Variants in PTPRD observed in about 807,000 individuals in gnomAD.
PTPRD encodes the protein protein tyrosine phosphatase receptor type D, also known as receptor-type tyrosine-protein phosphatase delta.
In PTPRD, 34 loss-of-function variants were observed where a neutral mutation model predicts 214.5. The ratio of observed to expected loss-of-function variants is 0.16; its 90% CI spans 0.12 to 0.21. The LOEUF is 0.21. Among genes scored for constraint, PTPRD ranks in the 10% least tolerant of loss-of-function variants. The pLI, the probability that PTPRD is intolerant of heterozygous loss-of-function variation, is 1.00. For missense variants in PTPRD, 2,545 were observed against 2,398.7 expected, an observed-to-expected ratio of 1.06 and a Z score of -1.27; for synonymous variants, 1,128 against 845.7, an observed-to-expected ratio of 1.33 and a Z score of -5.79.
At chr9:10,186,493 C>T (rs971222931) in intron 3 of PTPRD, among the ~76,000 whole-genome samples, 1 of 152,056 alleles carries the variant, frequency 6.6e-6, no homozygotes, top group East Asian at 1.9e-4. Flanking sequence ...AAGCATGAGG[C>T]TATTATAACA....
At chr9:9,480,744 G>A (rs1459669970) in intron 8 of PTPRD, among the ~76,000 whole-genome samples, 1 of 151,962 alleles carries the variant, frequency 6.6e-6, no homozygotes, top group Non-Finnish European at 1.5e-5. Flanking sequence ...GGATGCAATA[G>A]TCTTGATAAA....
chr9:8,340,236 C>A (rs1001283086), intron 42 of PTPRD, 107 bp downstream of exon 42: 2 of 1,332,654 alleles, frequency 1.5e-6, no homozygotes, highest in Non-Finnish European at 1.0e-6. Context: ...CCAGAGTGCA[C>A]TGCATTTCAA....
At chr9:8,372,689 C>T (rs1167490378) in intron 39 of PTPRD, among the ~76,000 whole-genome samples, 2 of 152,022 alleles carry the variant, frequency 1.3e-5, no homozygotes, top group African/African-American at 2.4e-5. Context: ...CTCTGTCCTC[C>T]TTGACCTTCC....
At chr9:10,081,781 G>A (rs2098242374) in intron 3 of PTPRD, among the ~76,000 whole-genome samples, 2 of 151,964 alleles carry the variant, frequency 1.3e-5, no homozygotes, top group Non-Finnish European at 2.9e-5. Context: ...GCAAATAGAT[G>A]GAGTTTCTAA....
At chr9:9,067,106 G>C (rs2099735848) in intron 10 of PTPRD, among the ~76,000 whole-genome samples, 1 of 152,106 alleles carries the variant, frequency 6.6e-6, no homozygotes. Flanking sequence ...TAGCCCTCGT[G>C]GTGGCACATG....
chr9:8,803,381 T>C (rs142451446), intron 11 of PTPRD, among the ~76,000 whole-genome samples: 2 of 152,146 alleles, frequency 1.3e-5, no homozygotes, highest in African/African-American at 4.8e-5. Flanking sequence ...GTGAAATTAG[T>C]TTTGCCGATG....
At chr9:9,471,389 C>T (rs553698140) in intron 8 of PTPRD, among the ~76,000 whole-genome samples, 5 of 152,198 alleles carry the variant, frequency 3.3e-5, no homozygotes, top group Non-Finnish European at 7.4e-5. Context: ...ACAAAGCGAT[C>T]ATATTTCATT....
intron 31 of PTPRD, among the ~76,000 whole-genome samples, chr9:8,468,579 G>C (rs1181806750): frequency 6.6e-6 from 1 of 151,886 alleles, no homozygotes; most frequent in South Asian, 2.1e-4. Context: ...TGTTTGGAAA[G>C]CCTCTTTCAA....
intron 10 of PTPRD, among the ~76,000 whole-genome samples, chr9:9,060,869 A>T (rs1228596173): frequency 6.6e-6 from 1 of 152,182 alleles, no homozygotes; most frequent in Non-Finnish European, 1.5e-5. Context: ...GACAAAACAA[A>T]TTTTTCAGAA....
At chr9:10,119,204 T>C (rs1268003838) in intron 3 of PTPRD, among the ~76,000 whole-genome samples, 3 of 151,922 alleles carry the variant, frequency 2.0e-5, no homozygotes, top group Admixed American at 6.6e-5. Context: ...TAACCCCCCC[T>C]TTTTTAACTA....
chr9:10,361,065 G>A (rs1223572034), intron 2 of PTPRD, among the ~76,000 whole-genome samples: 1 of 152,140 alleles, frequency 6.6e-6, no homozygotes, highest in Non-Finnish European at 1.5e-5. Flanking sequence ...TGGAGCCACT[G>A]CACTCCAGCC....
intron 3 of PTPRD, among the ~76,000 whole-genome samples, chr9:10,321,209 G>GA (rs1002940604): frequency 7.9e-5 from 12 of 151,346 alleles, no homozygotes; most frequent in Admixed American, 1.3e-4. Context: ...CTCCAAAGGG[G>GA]AAAAAAAACA....
At chr9:9,614,616 G>T (rs371894193) in intron 7 of PTPRD, among the ~76,000 whole-genome samples, 2 of 152,152 alleles carry the variant, frequency 1.3e-5, no homozygotes. Flanking sequence ...TCAATAGACC[G>T]TAGCATCTCT....
chr9:10,554,803 G>A (rs2131273339), intron 2 of PTPRD, among the ~76,000 whole-genome samples: 1 of 152,198 alleles, frequency 6.6e-6, no homozygotes, highest in Middle Eastern at 3.4e-3. Context: ...TGGGACTACA[G>A]GCGCCCGCCA....
At chr9:9,616,659 A>C (rs1011440928) in intron 7 of PTPRD, among the ~76,000 whole-genome samples, 1 of 152,148 alleles carries the variant, frequency 6.6e-6, no homozygotes, top group African/African-American at 2.4e-5. Flanking sequence ...CTATATGAAA[A>C]AGTTCATGAT....
intron 7 of PTPRD, among the ~76,000 whole-genome samples, chr9:9,592,543 G>A (rs1189912214): frequency 6.6e-6 from 1 of 151,918 alleles, no homozygotes; most frequent in Non-Finnish European, 1.5e-5. Flanking sequence ...ATTTGGGAGA[G>A]GATTTGAGCA....
At chr9:9,318,178 G>T (rs1195113502) in intron 9 of PTPRD, among the ~76,000 whole-genome samples, 1 of 102,164 alleles carries the variant, frequency 9.8e-6, no homozygotes, top group East Asian at 3.0e-4. Flanking sequence ...ATCAAAAAAA[G>T]AAACAAAAAA....
At chr9:9,732,206 C>T (rs1429716790) in intron 7 of PTPRD, among the ~76,000 whole-genome samples, 2 of 151,922 alleles carry the variant, frequency 1.3e-5, no homozygotes, top group Non-Finnish European at 2.9e-5. Context: ...AACTGAACAA[C>T]CTTATTAGCT....
intron 5 of PTPRD, among the ~76,000 whole-genome samples, chr9:9,847,560 C>A (rs573171939): frequency 3.3e-5 from 5 of 152,170 alleles, no homozygotes; most frequent in African/African-American, 1.2e-4. Flanking sequence ...CCAATGCCCC[C>A]TAGGTTTGTC....
Sources: allele counts gnomAD v4.1 joint callset (sites outside exome capture counted in the v4.1 genomes callset), GRCh38; gene constraint gnomAD v4.1.1; transcripts MANE v1.5; gene names NCBI Gene and HGNC (gene_info 2026-07-23, HGNC 2026-07-21).